SCARA3: variants seen among roughly 807,000 people sequenced by gnomAD.
SCARA3 encodes cellular stress response gene protein.
SCARA3 carries 39 observed loss-of-function variants against 47.0 expected under a neutral mutation model. The observed-to-expected ratio is 0.83, with a 90% CI of 0.64 to 1.08. SCARA3 has a LOEUF of 1.08. SCARA3 is among the 50% of genes least tolerant of loss of function. The pLI is 0.00. For synonymous variants in SCARA3, 356 were observed against 334.1 expected, an observed-to-expected ratio of 1.07 and a Z score of -0.71; for missense variants, 724 against 792.3, an observed-to-expected ratio of 0.91 and a Z score of 1.04.
At chr8:27,647,692 T>C (rs781627633) in intron 1 of SCARA3, among the ~76,000 whole-genome samples, 4 of 152,124 alleles carry the variant, frequency 2.6e-5, no homozygotes, top group Non-Finnish European at 4.4e-5. Context: ...ATGTGAGGTG[T>C]GGGCAACAGG....
intron 1 of SCARA3, among the ~76,000 whole-genome samples, chr8:27,648,944 G>T (rs1285028203): frequency 6.6e-6 from 1 of 151,848 alleles, no homozygotes; most frequent in African/African-American, 2.4e-5. Context: ...GGTAAGGAAA[G>T]GAGGGAGGAA....
At chr8:27,723,532 T>G in the SCARA3 span, among the ~76,000 whole-genome samples, 3 of 152,204 alleles carry the variant, frequency 2.0e-5, no homozygotes, top group Admixed American at 2.0e-4. Flanking sequence ...TACCACGTTC[T>G]GGAAGCCAAT....
At chr8:27,655,460 G>A (rs55700413) in intron 3 of SCARA3, among the ~76,000 whole-genome samples, 2 of 152,290 alleles carry the variant, frequency 1.3e-5, no homozygotes, top group East Asian at 1.9e-4. Context: ...CTGCCAAGAC[G>A]TGCTCTAACC....
intron 1 of SCARA3, among the ~76,000 whole-genome samples, chr8:27,635,276 C>T (rs1295869777): frequency 6.6e-6 from 1 of 151,896 alleles, no homozygotes; most frequent in Non-Finnish European, 1.5e-5. Flanking sequence ...GAAGAAAGGG[C>T]TCCACCGACA....
chr8:27,696,986 T>C, the SCARA3 span, among the ~76,000 whole-genome samples: 1 of 152,110 alleles, frequency 6.6e-6, no homozygotes, highest in East Asian at 1.9e-4. Context: ...GTTGTATAAA[T>C]GAACTAAAAA....
In SCARA3 at chr8:27,672,223, C is replaced by A; in HGVS notation, c.*872C>A. The A allele has an allele frequency of 2.0e-6, 2 of 985,500 alleles. No individual in the cohort carries two copies. The highest frequency in any genetic ancestry group is 2.4e-6 in the Non-Finnish European group (2 of 829,972). 61.0% of individuals were successfully genotyped at this position (985,500 alleles called of 1,614,324 possible). On this transcript the variant is annotated 3_prime_UTR_variant, in exon 6 of 6. Coordinates refer to ENST00000301904, the MANE Select transcript of SCARA3 (RefSeq NM_016240.3). The stretch of plus-strand genomic sequence containing the variant: ...CCCCTGAGAAGTTCAACATTTATTT[C>A]TTCACGTGTCCAGAAAATTCCTCAA...
At chr8:27,679,869 G>A (rs1319852873), downstream of SCARA3, 3 of 152,132 alleles carry the variant, frequency 2.0e-5, no homozygotes, top group Non-Finnish European at 4.4e-5. Flanking sequence ...ATATTGGAAC[G>A]ATACAGAGAT....
chr8:27,636,926 A>G (rs1474158511), intron 1 of SCARA3, among the ~76,000 whole-genome samples: 1 of 152,202 alleles, frequency 6.6e-6, no homozygotes. Flanking sequence ...ACTCGAGTGG[A>G]AAAAGTAAAG....
intron 1 of SCARA3, among the ~76,000 whole-genome samples, chr8:27,642,432 G>A (rs746768054): frequency 6.6e-6 from 1 of 152,130 alleles, no homozygotes; most frequent in Non-Finnish European, 1.5e-5. Flanking sequence ...CACCATTTAC[G>A]CATAAGGAAC....
chr8:27,670,229 G>A (rs185365888), intron 5 of SCARA3, among the ~76,000 whole-genome samples: 177 of 152,290 alleles, frequency 1.2e-3, no homozygotes, highest in Middle Eastern at 3.4e-3. Context: ...GATGTGAGCC[G>A]TGGCTCCTGC....
intron 3 of SCARA3, among the ~76,000 whole-genome samples, chr8:27,654,803 G>A (rs111986270): frequency 0.059 from 5,856 of 98,854 alleles, 297 homozygotes; most frequent in African/African-American, 0.16. Context: ...AAAAAAAAAA[G>A]AAAAAGAAAA....
the SCARA3 span, among the ~76,000 whole-genome samples, chr8:27,708,004 C>T: frequency 1.3e-5 from 2 of 152,168 alleles, no homozygotes; most frequent in African/African-American, 4.8e-5. Flanking sequence ...CCCATCCACA[C>T]TGTCTTGGAA....
intron 1 of SCARA3, among the ~76,000 whole-genome samples, chr8:27,647,158 T>A (rs1023942502): frequency 6.6e-6 from 1 of 151,842 alleles, no homozygotes; most frequent in Non-Finnish European, 1.5e-5. Context: ...TGGGCAAAAA[T>A]GCACGTGCAC....
the SCARA3 span, among the ~76,000 whole-genome samples, chr8:27,691,362 C>A: frequency 2.6e-5 from 4 of 152,116 alleles, no homozygotes; most frequent in Admixed American, 2.6e-4. Context: ...GAGATTCTTA[C>A]TTCCTTTTAC....
At chr8:27,724,977 A>G in the SCARA3 span, among the ~76,000 whole-genome samples, 2 of 152,196 alleles carry the variant, frequency 1.3e-5, no homozygotes, top group Non-Finnish European at 2.9e-5. Context: ...TTACAATAAG[A>G]TTCCATGAAT....
chr8:27,720,493 CA>C, the SCARA3 span, among the ~76,000 whole-genome samples: 1 of 152,170 alleles, frequency 6.6e-6, no homozygotes, highest in African/African-American at 2.4e-5. Flanking sequence ...ACCCACTATG[CA>C]TGTGGGGCTT....
the SCARA3 span, among the ~76,000 whole-genome samples, chr8:27,684,188 TAA>T: frequency 6.6e-6 from 1 of 152,172 alleles, no homozygotes; most frequent in African/African-American, 2.4e-5. Flanking sequence ...TGCATTTCAT[TAA>T]ATATAAAGTA....
chr8:27,636,597 A>G (rs896446698), intron 1 of SCARA3, among the ~76,000 whole-genome samples: 1 of 152,128 alleles, frequency 6.6e-6, no homozygotes, highest in Non-Finnish European at 1.5e-5. Flanking sequence ...GTGGGTTCCT[A>G]TACAGGAAGC....
the SCARA3 span, among the ~76,000 whole-genome samples, chr8:27,725,583 G>T: frequency 6.6e-6 from 1 of 151,782 alleles, no homozygotes; most frequent in African/African-American, 2.4e-5. Context: ...AAAAGACAGG[G>T]GATTTAATGG....
Sources: allele counts gnomAD v4.1 joint callset (sites outside exome capture counted in the v4.1 genomes callset), GRCh38; gene constraint gnomAD v4.1.1; transcripts MANE v1.5; gene names NCBI Gene and HGNC (gene_info 2026-07-23, HGNC 2026-07-21).